Variants in SV2C observed in about 807,000 individuals in gnomAD.
SV2C encodes synaptic vesicle glycoprotein 2C, also known as solute carrier family 22 member B3.
SV2C carries 49 observed loss-of-function variants against 79.7 expected under a neutral mutation model. That is an observed-to-expected ratio of 0.61 (90% confidence interval 0.49 to 0.78). The LOEUF (loss-of-function observed/expected upper bound fraction) is 0.78, where lower values mean the gene tolerates loss of function less well. SV2C is among the 30% of genes least tolerant of loss of function. The probability of loss-of-function intolerance (pLI) is 0.00; values close to 1 mark genes in which losing one functional copy is unlikely to be tolerated. For synonymous variants in SV2C, 334 were observed against 333.2 expected (o/e 1.00, Z -0.03); for missense variants, 833 against 912.9 (o/e 0.91, Z 1.13).
the SV2C span, among the ~76,000 whole-genome samples, chr5:75,919,853 T>G: frequency 6.6e-6 from 1 of 152,204 alleles, no homozygotes; most frequent in Non-Finnish European, 1.5e-5. Context: ...TTTGGTATAA[T>G]TTACTCTCTG....
chr5:76,227,393 G>A (rs953480751), intron 4 of SV2C, among the ~76,000 whole-genome samples: 2 of 152,140 alleles, frequency 1.3e-5, no homozygotes, highest in Non-Finnish European at 2.9e-5. Context: ...CTGTAGAAGG[G>A]GCATTTCCCC....
intron 1 of SV2C, among the ~76,000 whole-genome samples, chr5:76,122,605 AC>A: frequency 6.6e-6 from 1 of 152,094 alleles, no homozygotes; most frequent in South Asian, 2.1e-4. Context: ...AAACTGAACA[AC>A]CTGCTCCTGA....
intron 12 of SV2C, among the ~76,000 whole-genome samples, chr5:76,339,161 GAA>G (rs1456640796): frequency 1.3e-5 from 2 of 152,026 alleles, no homozygotes. Flanking sequence ...ACTAGAATGA[GAA>G]AAGAGGTCCT....
intron 5 of SV2C, 74 bp downstream of exon 5, chr5:76,285,369 C>T: frequency 6.3e-7 from 1 of 1,574,880 alleles, no homozygotes. Flanking sequence ...TCTAGGAAAG[C>T]ACATTTGCCT....
intron 2 of SV2C, among the ~76,000 whole-genome samples, chr5:76,161,125 A>G (rs1742886674): frequency 6.6e-6 from 1 of 152,248 alleles, no homozygotes; most frequent in East Asian, 1.9e-4. Flanking sequence ...AACCCAAATG[A>G]CCATAAATTA....
chr5:76,028,670 G>T, the SV2C span, among the ~76,000 whole-genome samples: 2 of 152,156 alleles, frequency 1.3e-5, no homozygotes, highest in African/African-American at 4.8e-5. Flanking sequence ...GATTGATCTG[G>T]CTGAATGAAT....
the SV2C span, among the ~76,000 whole-genome samples, chr5:75,855,575 G>T: frequency 1.3e-5 from 2 of 151,926 alleles, no homozygotes; most frequent in African/African-American, 4.8e-5. Context: ...GTCACATCTT[G>T]GTAATTCTTG....
the SV2C span, chr5:75,920,929 G>A: frequency 4.1e-6 from 3 of 732,702 alleles, no homozygotes; most frequent in African/African-American, 5.2e-5. Context: ...CGTGGATCCT[G>A]GCAAAGCTCT....
At chr5:76,238,451 G>C (rs1745684811) in intron 4 of SV2C, among the ~76,000 whole-genome samples, 1 of 152,012 alleles carries the variant, frequency 6.6e-6, no homozygotes, top group Admixed American at 6.6e-5. Flanking sequence ...GTTCCCTGTA[G>C]TGTCTGTCCT....
At chr5:76,143,080 A>T (rs142960163) in intron 2 of SV2C, among the ~76,000 whole-genome samples, 1,677 of 152,094 alleles carry the variant, frequency 0.011, 17 homozygotes, top group Non-Finnish European at 0.013. Flanking sequence ...TATTTTTAGT[A>T]GAATGGGGTT....
chr5:75,967,619 G>A, the SV2C span, among the ~76,000 whole-genome samples: 1 of 152,180 alleles, frequency 6.6e-6, no homozygotes, highest in African/African-American at 2.4e-5. Context: ...CAGCGAGGCT[G>A]GGGGAGGGGC....
chr5:76,349,138 A>C (rs1004610471), intron 12 of SV2C, among the ~76,000 whole-genome samples: 1 of 152,246 alleles, frequency 6.6e-6, no homozygotes, highest in Non-Finnish European at 1.5e-5. Flanking sequence ...AAAAAGAAGA[A>C]TAGTACCTAC....
At chr5:75,995,877 T>A in the SV2C span, among the ~76,000 whole-genome samples, 1 of 152,078 alleles carries the variant, frequency 6.6e-6, no homozygotes, top group Non-Finnish European at 1.5e-5. Flanking sequence ...AAGGAGAATA[T>A]ATAAAATCAT....
chr5:75,857,978 T>G, the SV2C span, among the ~76,000 whole-genome samples: 2 of 152,238 alleles, frequency 1.3e-5, no homozygotes, highest in South Asian at 4.1e-4. Context: ...TTTACTGATA[T>G]TTAATTAGTT....
At position 76,216,367 on chromosome 5, in the gene SV2C, G is replaced by C. The variant is rs148454000; in HGVS notation, c.913+6480G>C. Reference sequence around the variant, plus strand: ...CCTTCCCTGCCACCACTCCATTCAGGAACTTCTGGGCCATCTGTGTCTCCC... The same window carrying C: ...CCTTCCCTGCCACCACTCCATTCAGCAACTTCTGGGCCATCTGTGTCTCCC... On this transcript the variant is annotated intron_variant, in intron 4 of 12. Transcript: ENST00000502798. 4.3e-3 allele frequency among the ~76,000 whole-genome samples: 652 copies of C among 152,274 alleles called. 8 individuals are homozygous for C. The highest frequency in any genetic ancestry group is 0.014 in the African/African-American group (589 of 41,556).
the SV2C span, among the ~76,000 whole-genome samples, chr5:75,977,362 C>T: frequency 6.6e-6 from 1 of 152,136 alleles, no homozygotes; most frequent in African/African-American, 2.4e-5. Flanking sequence ...AGGGAAGTAA[C>T]TTTGTAACCA....
At chr5:75,902,004 G>A in the SV2C span, among the ~76,000 whole-genome samples, 1 of 152,176 alleles carries the variant, frequency 6.6e-6, no homozygotes, top group Non-Finnish European at 1.5e-5. Flanking sequence ...CCCTTTCTTT[G>A]ACTAGGAAAG....
the SV2C span, among the ~76,000 whole-genome samples, chr5:76,006,987 C>T: frequency 1.1e-4 from 17 of 152,126 alleles, no homozygotes; most frequent in Non-Finnish European, 2.4e-4. Context: ...TATATACTCA[C>T]TTAATCCTCA....
At chr5:75,978,238 T>C in the SV2C span, among the ~76,000 whole-genome samples, 3 of 152,340 alleles carry the variant, frequency 2.0e-5, no homozygotes, top group South Asian at 4.1e-4. Flanking sequence ...TCTTAGGCTA[T>C]GCAACACCAT....
Sources: allele counts gnomAD v4.1 joint callset (sites outside exome capture counted in the v4.1 genomes callset), GRCh38; gene constraint gnomAD v4.1.1; transcripts MANE v1.5; gene names NCBI Gene and HGNC (gene_info 2026-07-23, HGNC 2026-07-21).